Variants in NRP1 observed in about 807,000 individuals in gnomAD.
NRP1 encodes the protein neuropilin-1.
A neutral mutation model predicts 106.7 loss-of-function variants in NRP1; 35 were observed. The ratio of observed to expected loss-of-function variants is 0.33; its 90% CI spans 0.25 to 0.43. NRP1 has a LOEUF of 0.43. NRP1 is among the 20% of genes least tolerant of loss of function. The pLI, the probability that NRP1 is intolerant of heterozygous loss-of-function variation, is 1.00. For missense variants in NRP1, 1,024 were observed against 1,170.4 expected, an observed-to-expected ratio of 0.87 and a Z score of 1.83; for synonymous variants, 437 against 417.9, an observed-to-expected ratio of 1.05 and a Z score of -0.56.
chr10:33,202,445 A>T, intron 11 of NRP1: 3 of 584,350 alleles, frequency 5.1e-6, no homozygotes, highest in Non-Finnish European at 8.1e-6. Context: ...CGCACTTCAA[A>T]TATAAGCCTA....
At chr10:33,187,517 C>T (rs1836092795) in intron 13 of NRP1, among the ~76,000 whole-genome samples, 1 of 152,158 alleles carries the variant, frequency 6.6e-6, no homozygotes, top group African/African-American at 2.4e-5. Flanking sequence ...GCAAGGTTGC[C>T]TTGTTGAGGT....
chr10:33,263,982 A>G, intron 3 of NRP1, 109 bp from the exon 4 acceptor site: 1 of 713,236 alleles, frequency 1.4e-6, no homozygotes, highest in Non-Finnish European at 2.4e-6. Context: ...GCCCGCCAGT[A>G]TAACCACTGT....
At chr10:33,269,931 G>A (rs7907256) in intron 3 of NRP1, among the ~76,000 whole-genome samples, 76,411 of 152,008 alleles carry the variant, frequency 0.5, 19,879 homozygotes, top group African/African-American at 0.63. Context: ...ACCTTATGGT[G>A]AGTTGTATAA....
intron 12 of NRP1, chr10:33,195,503 C>A (rs751883981): frequency 1.9e-6 from 1 of 533,350 alleles, no homozygotes. Context: ...TCTATAATAG[C>A]AAAATGGAAT....
chr10:33,272,760 A>G (rs1261399578), intron 2 of NRP1, among the ~76,000 whole-genome samples: 1 of 152,030 alleles, frequency 6.6e-6, no homozygotes, highest in Non-Finnish European at 1.5e-5. Flanking sequence ...TGAACTGTTG[A>G]CTGTGTTTGG....
At chr10:33,239,430 A>G (rs2133063483) in intron 6 of NRP1, among the ~76,000 whole-genome samples, 1 of 152,140 alleles carries the variant, frequency 6.6e-6, no homozygotes, top group African/African-American at 2.4e-5. Context: ...AAGATCTGAA[A>G]CTCCTTTCCT....
intron 2 of NRP1, among the ~76,000 whole-genome samples, chr10:33,296,224 T>A (rs745428084): frequency 2.6e-5 from 4 of 152,212 alleles, no homozygotes; most frequent in Admixed American, 1.3e-4. Context: ...TACTGTGTTT[T>A]CTTTCAGCTC....
intron 2 of NRP1, among the ~76,000 whole-genome samples, chr10:33,279,808 A>G (rs185042861): frequency 6.6e-6 from 1 of 152,298 alleles, no homozygotes; most frequent in East Asian, 1.9e-4. Context: ...CCATCTTCTG[A>G]TACAGCAAAG....
chr10:33,199,389 A>ATTTTTTTT (rs1160327036), intron 11 of NRP1, among the ~76,000 whole-genome samples: 3 of 36,848 alleles, frequency 8.1e-5, no homozygotes, highest in East Asian at 1.5e-3. Flanking sequence ...ATATATATAT[A>ATTTTTTTT]TTTTTTTTTT....
intron 2 of NRP1, among the ~76,000 whole-genome samples, chr10:33,304,075 G>C (rs1035673570): frequency 6.6e-6 from 1 of 152,200 alleles, no homozygotes; most frequent in Non-Finnish European, 1.5e-5. Context: ...AGTATTTCCT[G>C]TGTGGCACTT....
chr10:33,178,070 A>C lies in NRP1; in HGVS notation c.*2006T>G, dbSNP rs1835475988. ...CCTTCTGGTAGGATTATATCAACTA[A>C]ATGAATGTCTCTGGGGACAAAAAAC... On this transcript the variant is annotated 3_prime_UTR_variant, in exon 17 of 17. Transcript: ENST00000374867. The C allele has an allele frequency of 6.6e-6, 1 of 152,628 alleles. No individual in the cohort carries two copies. Among genetic ancestry groups the C allele is most frequent in the African/African-American group, 2.4e-5 (1 of 41,438 alleles). 9.5% of individuals were successfully genotyped at this position (152,628 alleles called of 1,614,324 possible).
At position 33,178,230 on chromosome 10, in the gene NRP1, A is replaced by G. The variant is rs995616435; in HGVS notation, c.*1846T>C. 4.6e-5 allele frequency: 7 copies of G among 152,342 alleles called. No homozygotes were observed. Among genetic ancestry groups the G allele is most frequent in the African/African-American group, 1.7e-4 (7 of 41,458 alleles). 9.4% of individuals were successfully genotyped at this position (152,342 alleles called of 1,614,324 possible). On this transcript the variant is annotated 3_prime_UTR_variant, in exon 17 of 17. Coordinates refer to ENST00000374867, the MANE Select transcript of NRP1 (RefSeq NM_003873.7). ...ACAAATGTCTTTGAGTGAGACGTCT[A>G]GCAATGTGGGAAGGAAGATCTAAAA...
chr10:33,293,886 T>C (rs1954312656), intron 2 of NRP1, among the ~76,000 whole-genome samples: 1 of 152,244 alleles, frequency 6.6e-6, no homozygotes, highest in African/African-American at 2.4e-5. Flanking sequence ...CACTCATCCA[T>C]ACTCAACGTG....
intron 6 of NRP1, among the ~76,000 whole-genome samples, chr10:33,235,246 G>C (rs1326913850): frequency 6.6e-6 from 1 of 152,134 alleles, no homozygotes; most frequent in Non-Finnish European, 1.5e-5. Flanking sequence ...TTGTCCAAAA[G>C]AAACAAAAGG....
At chr10:33,270,963 A>C in intron 2 of NRP1, 107 bp from the exon 3 acceptor site, 1 of 990,688 alleles carries the variant, frequency 1.0e-6, no homozygotes. Flanking sequence ...GGAAGAAAAA[A>C]AAGTTCTATC....
Position 33,254,017 on chromosome 10 carries a change from A to T in NRP1, c.981+11T>A. On this transcript the variant is annotated intron_variant, in intron 6 of 16. Transcript: ENST00000374867. ...TTCAATCCTAGATAGGCTTGATCTTATGCTGCATACCTGTATCCACTCTCG... is the reference window on the plus strand; with the variant it reads ...TTCAATCCTAGATAGGCTTGATCTTTTGCTGCATACCTGTATCCACTCTCG... 1 of 1,596,166 alleles carries T rather than the reference A, an allele frequency of 6.3e-7. No individual in the cohort carries two copies. Among genetic ancestry groups the T allele is most frequent in the Non-Finnish European group, 8.5e-7 (1 of 1,174,736 alleles).
chr10:33,207,638 A>G lies in NRP1; in HGVS notation c.1693T>C (p.Tyr565His), dbSNP rs776598307. 2 of 1,614,214 alleles carry G rather than the reference A, an allele frequency of 1.2e-6. No homozygotes were observed. The highest frequency in any genetic ancestry group is 1.7e-6 in the Non-Finnish European group (2 of 1,180,018). The change falls in exon 10 of 17, where the codon TAC becomes CAC. Residue 565 changes from tyrosine to histidine, a missense_variant. Tyr to His is a moderately conservative substitution (Grantham distance 83). This residue lies in a region of NRP1 where 562 missense variants were observed against 620.3 expected (regional missense o/e 0.91). Transcript: ENST00000374867. ...CCGCCATGAGTGGCTCTCTCGGGGT[A>G]GATCCTGATGAATCGCGTGGAGAGA... ...PALSTRFIRIYPERATHGGLG... is the reference protein window; with the variant it reads ...PALSTRFIRIHPERATHGGLG...
chr10:33,265,216 G>T (rs1842844090), intron 3 of NRP1, among the ~76,000 whole-genome samples: 1 of 152,142 alleles, frequency 6.6e-6, no homozygotes, highest in African/African-American at 2.4e-5. Flanking sequence ...ACCACCTGCT[G>T]CTATGATCTT....
rs528785112 is a variant in NRP1, at chr10:33,327,459, C to G, written c.248+3249G>C. On this transcript the variant is annotated intron_variant, in intron 2 of 16. Transcript: ENST00000374867. The stretch of plus-strand genomic sequence containing the variant: ...AATAAGATGAATAGTTTGTTCTTAA[C>G]AAGAGTGATAACTAAAAGCTCACCA... 2.6e-5 allele frequency among the ~76,000 whole-genome samples: 4 copies of G among 152,184 alleles called. No individual in the cohort carries two copies. The South Asian group carries it at 8.3e-4, about 32-fold the overall frequency.
Sources: gnomAD v4.1 joint callset for allele counts (sites outside exome capture counted in the v4.1 genomes callset) on GRCh38, gnomAD v4.1.1 for gene constraint, gnomAD v4.1.1 regional missense constraint, MANE v1.5 for transcripts, NCBI Gene and HGNC (gene_info 2026-07-23, HGNC 2026-07-21) for gene names.